The following PDE4D variants were observed in gnomAD, a reference collection of about 807,000 sequenced individuals.
The protein encoded by PDE4D is phosphodiesterase 4D.
In PDE4D, 24 loss-of-function variants were observed where a neutral mutation model predicts 87.4. That is an observed-to-expected ratio of 0.27 (90% CI 0.20 to 0.39). The LOEUF is 0.39. Among genes scored for constraint, PDE4D ranks in the 10% least tolerant of loss-of-function variants. The pLI is 1.00. For synonymous variants in PDE4D, 384 were observed against 383.2 expected (o/e 1.00, Z -0.02); for missense variants, 714 against 1,041.0 (o/e 0.69, Z 4.32).
intron 5 of PDE4D, among the ~76,000 whole-genome samples, chr5:59,163,333 G>A (rs897738238): frequency 1.2e-4 from 17 of 146,062 alleles, no homozygotes; most frequent in Non-Finnish European, 2.2e-4. Context: ...GTGCAATGGC[G>A]CGATCTCAGC....
At chr5:60,253,990 A>G (rs1748763317) in intron 1 of PDE4D, among the ~76,000 whole-genome samples, 1 of 151,942 alleles carries the variant, frequency 6.6e-6, no homozygotes, top group Non-Finnish European at 1.5e-5. Flanking sequence ...TTGTTTCTGA[A>G]AAGAATCATC....
intron 1 of PDE4D, among the ~76,000 whole-genome samples, chr5:59,614,544 G>A (rs1272429917): frequency 6.6e-6 from 1 of 152,092 alleles, no homozygotes; most frequent in Non-Finnish European, 1.5e-5. Context: ...TACACATAAA[G>A]CAACAATATA....
chr5:59,505,846 T>C (rs1197664510), intron 1 of PDE4D, among the ~76,000 whole-genome samples: 2 of 151,440 alleles, frequency 1.3e-5, no homozygotes, highest in African/African-American at 2.4e-5. Flanking sequence ...AAGAAGCACA[T>C]TTTTTTTTCT....
chr5:59,822,374 GTAGA>G (rs1443820591), intron 1 of PDE4D, among the ~76,000 whole-genome samples: 7 of 152,034 alleles, frequency 4.6e-5, no homozygotes, highest in Admixed American at 1.3e-4. Context: ...CACAGTGAAG[GTAGA>G]TAGATTAATC....
chr5:60,171,554 T>G (rs917871887), intron 2 of PDE4D, among the ~76,000 whole-genome samples: 6 of 152,072 alleles, frequency 3.9e-5, no homozygotes, highest in African/African-American at 1.4e-4. Flanking sequence ...CTCTTACTAT[T>G]CTGAAACTCA....
chr5:58,983,330 G>A (rs1745671753), intron 11 of PDE4D, among the ~76,000 whole-genome samples: 1 of 152,202 alleles, frequency 6.6e-6, no homozygotes. Flanking sequence ...GTGGCATTAG[G>A]GCCACTTCTT....
At chr5:59,618,491 T>C (rs575676565) in intron 1 of PDE4D, among the ~76,000 whole-genome samples, 2 of 152,276 alleles carry the variant, frequency 1.3e-5, no homozygotes, top group African/African-American at 4.8e-5. Flanking sequence ...GGGCCATATA[T>C]GCCATGTTAC....
chr5:59,404,349 G>T (rs1399760514), intron 1 of PDE4D, among the ~76,000 whole-genome samples: 1 of 152,026 alleles, frequency 6.6e-6, no homozygotes, highest in Admixed American at 6.6e-5. Flanking sequence ...TTGTGCTTGT[G>T]GGGTATTACT....
At chr5:59,489,206 A>C (rs988172545) in intron 1 of PDE4D, among the ~76,000 whole-genome samples, 5 of 151,512 alleles carry the variant, frequency 3.3e-5, no homozygotes, top group Non-Finnish European at 7.4e-5. Flanking sequence ...CAGAGGTTGC[A>C]GTGAGCCAAG....
chr5:60,138,285 G>T (rs1780221001), intron 2 of PDE4D, among the ~76,000 whole-genome samples: 1 of 151,974 alleles, frequency 6.6e-6, no homozygotes, highest in African/African-American at 2.4e-5. Context: ...TTCAGGAGTT[G>T]ATCAGCATCA....
At chr5:59,426,085 T>G (rs1253217829) in intron 1 of PDE4D, among the ~76,000 whole-genome samples, 1 of 152,086 alleles carries the variant, frequency 6.6e-6, no homozygotes, top group Non-Finnish European at 1.5e-5. Context: ...CAGCGATGCC[T>G]GCGCACAGAG....
rs72753272 is a variant in PDE4D at position 60,084,405 on chromosome 5, T to C, written c.43-95688A>G. 5.5e-3 allele frequency among the ~76,000 whole-genome samples: 689 copies of C among 125,726 alleles called. 7 individuals carry two copies. Among genetic ancestry groups the C allele is most frequent in the African/African-American group, 0.018 (614 of 34,716 alleles). 82.5% of individuals were successfully genotyped at this position (125,726 alleles called of 152,430 possible). On this transcript the variant is annotated intron_variant, in intron 2 of 16. Transcript: ENST00000502484. ...GCATCTTAACGTGTGTGTGTGTGTG[T>C]GCGCGCGCGCGTGTGCGCATGCGCA...
intron 2 of PDE4D, among the ~76,000 whole-genome samples, chr5:60,013,614 T>A (rs2409682): frequency 0.73 from 111,303 of 152,038 alleles, 41,290 homozygotes; most frequent in East Asian, 0.89. Flanking sequence ...GTACAAGAAG[T>A]TGACAAATTT....
intron 2 of PDE4D, among the ~76,000 whole-genome samples, chr5:60,008,819 C>T (rs564546452): frequency 1.3e-5 from 2 of 152,152 alleles, no homozygotes; most frequent in African/African-American, 2.4e-5. Flanking sequence ...TTAGTTCCTA[C>T]TTCTCTCTGG....
intron 3 of PDE4D, among the ~76,000 whole-genome samples, chr5:59,917,669 CTTGTG>C (rs1456338500): frequency 6.6e-6 from 1 of 152,112 alleles, no homozygotes; most frequent in Admixed American, 6.5e-5. Flanking sequence ...CTTGGTTGCT[CTTGTG>C]TTGTAAGCTT....
intron 1 of PDE4D, among the ~76,000 whole-genome samples, chr5:59,880,079 T>C (rs552926459): frequency 6.6e-6 from 1 of 152,214 alleles, no homozygotes; most frequent in Admixed American, 6.5e-5. Context: ...GTCCTCATTA[T>C]CTACTTTATG....
At chr5:60,139,198 G>A (rs1214732033) in intron 2 of PDE4D, among the ~76,000 whole-genome samples, 1 of 152,058 alleles carries the variant, frequency 6.6e-6, no homozygotes, top group Non-Finnish European at 1.5e-5. Context: ...TCACCGCTAA[G>A]CCAAAGCGGT....
chr5:60,271,617 A>G (rs1750818418), intron 1 of PDE4D, among the ~76,000 whole-genome samples: 1 of 152,202 alleles, frequency 6.6e-6, no homozygotes, highest in Non-Finnish European at 1.5e-5. Context: ...CAGAGAAAAT[A>G]TGAGGAGAAG....
rs144964067 is a variant in PDE4D at position 59,722,748 on chromosome 5, T to G, written c.455+170420A>C. On this transcript the variant is annotated intron_variant, in intron 1 of 14. Transcript: ENST00000340635. ...TATCATAAGAAACAATGTTATATGT[T>G]GAACATTTAAGCTCCTTGTATACCA... Among the ~76,000 whole-genome samples, 540 of 152,260 alleles carry G rather than the reference T, an allele frequency of 3.5e-3. 2 individuals are homozygous for G. Among genetic ancestry groups the G allele is most frequent in the African/African-American group, 0.012 (518 of 41,582 alleles).
Sources: gnomAD v4.1 joint callset for allele counts (sites outside exome capture counted in the v4.1 genomes callset) on GRCh38, gnomAD v4.1.1 for gene constraint, MANE v1.5 for transcripts, NCBI Gene and HGNC (gene_info 2026-07-23, HGNC 2026-07-21) for gene names.